TAMM41: variants seen among roughly 807,000 people sequenced by gnomAD.
TAMM41 encodes the protein TAM41 mitochondrial translocator assembly and maintenance homolog, also known as phosphatidate cytidylyltransferase, mitochondrial.
TAMM41 carries 36 observed loss-of-function variants against 44.1 expected under a neutral mutation model. The observed-to-expected ratio is 0.82, with a 90% confidence interval of 0.63 to 1.08. The LOEUF (loss-of-function observed/expected upper bound fraction) is 1.08, where lower values mean the gene tolerates loss of function less well. Ranked by LOEUF, TAMM41 falls within the 50% of genes least tolerant of loss-of-function variation. The probability of loss-of-function intolerance (pLI) is 0.00; values close to 1 mark genes in which losing one functional copy is unlikely to be tolerated. For synonymous variants in TAMM41, 164 were observed against 153.1 expected (o/e 1.07, Z -0.53); for missense variants, 417 against 404.3 (o/e 1.03, Z -0.27).
At chr3:11,768,140 T>G in the TAMM41 span, among the ~76,000 whole-genome samples, 1 of 95,620 alleles carries the variant, frequency 1.0e-5, no homozygotes, top group Non-Finnish European at 2.4e-5. Flanking sequence ...GTGGAAAACT[T>G]TTTTGTTTTT....
intron 2 of TAMM41, among the ~76,000 whole-genome samples, chr3:11,842,969 C>A (rs1559332524): frequency 6.6e-6 from 1 of 152,174 alleles, no homozygotes; most frequent in Non-Finnish European, 1.5e-5. Context: ...GACTGCGATG[C>A]TTCAGCTGAA....
chr3:11,819,538 A>C (rs1397585450), intron 4 of TAMM41, among the ~76,000 whole-genome samples: 2 of 152,266 alleles, frequency 1.3e-5, no homozygotes, highest in African/African-American at 4.8e-5. Flanking sequence ...TATCACAGAC[A>C]GTAATCACAC....
chr3:11,745,268 G>T, the TAMM41 span, among the ~76,000 whole-genome samples: 232 of 152,202 alleles, frequency 1.5e-3, no homozygotes, highest in African/African-American at 5.4e-3. Flanking sequence ...GAGGCCTAGG[G>T]TGCAGTGAGC....
intron 6 of TAMM41, 171 bp from the exon 7 acceptor site, chr3:11,808,066 G>T: frequency 7.6e-7 from 1 of 1,309,154 alleles, no homozygotes; most frequent in East Asian, 2.5e-5. Context: ...GGGATTGAGG[G>T]CCAGGAGACC....
intron 4 of TAMM41, among the ~76,000 whole-genome samples, chr3:11,825,023 G>A (rs1215601911): frequency 6.6e-6 from 1 of 152,128 alleles, no homozygotes; most frequent in African/African-American, 2.4e-5. Flanking sequence ...TGACCTAAGT[G>A]TGAACCAGGA....
At chr3:11,828,218 C>G (rs759509715) in intron 4 of TAMM41, among the ~76,000 whole-genome samples, 5 of 151,988 alleles carry the variant, frequency 3.3e-5, no homozygotes, top group Admixed American at 6.5e-5. Context: ...AGAGATCTAC[C>G]TACAGAGCCT....
intron 5 of TAMM41, among the ~76,000 whole-genome samples, chr3:11,814,998 CCCA>C (rs1227681115): frequency 6.6e-6 from 1 of 151,922 alleles, no homozygotes; most frequent in African/African-American, 2.4e-5. Flanking sequence ...AAAGAAAGAG[CCCA>C]CCAAGTGACT....
At chr3:11,808,728 T>C (rs896833353) in intron 6 of TAMM41, 14 of 644,230 alleles carry the variant, frequency 2.2e-5, no homozygotes, top group Non-Finnish European at 2.7e-5. Context: ...AGGCTCTTTT[T>C]TTTGTTTGTT....
chr3:11,741,216 CAAAAA>C, the TAMM41 span, among the ~76,000 whole-genome samples: 15 of 61,818 alleles, frequency 2.4e-4, 1 homozygote, highest in South Asian at 7.9e-4. Context: ...GACACCGTCT[CAAAAA>C]AAAAAAAAAA....
chr3:11,812,167 A>G (rs765365061), intron 5 of TAMM41, among the ~76,000 whole-genome samples: 8 of 152,140 alleles, frequency 5.3e-5, no homozygotes, highest in Admixed American at 3.3e-4. Flanking sequence ...GCCTCAACTG[A>G]TCCACCCACC....
Position 11,817,329 on chromosome 3 carries a change from G to T in TAMM41, c.571C>A (p.Arg191=), listed in dbSNP as rs140891099. The change falls in exon 5 of 8, where the codon CGG becomes AGG. Residue 191 remains arginine, a synonymous_variant. Transcript: ENST00000455809. ...IAGLSYSGDF[R]MVVGEDKTKV... Reference sequence around the variant, plus strand: ...GTTTTATCTTCTCCAACCACCATCCGAAAGTCACCTAGTTAAAACAAAGAG... The same window carrying T: ...GTTTTATCTTCTCCAACCACCATCCTAAAGTCACCTAGTTAAAACAAAGAG... 4.7e-4 allele frequency: 758 copies of T among 1,607,182 alleles called. No individual in the cohort carries two copies. The highest frequency in any genetic ancestry group is 6.1e-4 in the Non-Finnish European group (715 of 1,174,668).
intron 7 of TAMM41, among the ~76,000 whole-genome samples, chr3:11,801,016 T>C (rs982137352): frequency 6.7e-6 from 1 of 150,126 alleles, no homozygotes; most frequent in South Asian, 2.1e-4. Flanking sequence ...TGCTTAACCT[T>C]AGGAGGTCAA....
intron 2 of TAMM41, among the ~76,000 whole-genome samples, chr3:11,841,312 G>T (rs755043144): frequency 6.6e-5 from 10 of 151,800 alleles, no homozygotes; most frequent in Non-Finnish European, 1.5e-4. Context: ...TGAACTCCTG[G>T]GCTCAAGCAA....
intron 4 of TAMM41, among the ~76,000 whole-genome samples, chr3:11,822,461 A>G (rs151056537): frequency 0.012 from 1,846 of 151,830 alleles, 31 homozygotes; most frequent in African/African-American, 0.042. Flanking sequence ...TCACTCCCCA[A>G]CTCCCTTCAT....
chr3:11,793,877 G>A (rs987282734), intron 7 of TAMM41, among the ~76,000 whole-genome samples: 6 of 152,092 alleles, frequency 3.9e-5, no homozygotes, highest in African/African-American at 1.4e-4. Flanking sequence ...CTGGGCACTA[G>A]GTCTATGAGG....
At chr3:11,843,993 C>T in intron 2 of TAMM41, 36 bp downstream of exon 2, 1 of 1,599,644 alleles carries the variant, frequency 6.3e-7, no homozygotes, top group Non-Finnish European at 8.5e-7. Context: ...AGGTAAATAA[C>T]CAGCCAAGTT....
intron 3 of TAMM41, among the ~76,000 whole-genome samples, chr3:11,836,137 C>T (rs1486443240): frequency 6.6e-6 from 1 of 151,516 alleles, no homozygotes; most frequent in African/African-American, 2.4e-5. Flanking sequence ...ATTACAGGTG[C>T]ATGCCGCAAC....
chr3:11,784,945 G>A, the TAMM41 span, among the ~76,000 whole-genome samples: 6 of 151,886 alleles, frequency 4.0e-5, no homozygotes, highest in African/African-American at 1.5e-4. Flanking sequence ...TGGGACTACA[G>A]GTGCCCGCCA....
At chr3:11,743,959 T>C in the TAMM41 span, among the ~76,000 whole-genome samples, 1 of 152,196 alleles carries the variant, frequency 6.6e-6, no homozygotes. Context: ...ATCTTTATCA[T>C]TGATGAGATA....
Sources: allele counts gnomAD v4.1 joint callset (sites outside exome capture counted in the v4.1 genomes callset), GRCh38; gene constraint gnomAD v4.1.1; transcripts MANE v1.5; gene names NCBI Gene and HGNC (gene_info 2026-07-23, HGNC 2026-07-21).